RAI1: variants seen among roughly 807,000 people sequenced by gnomAD.
RAI1 encodes retinoic acid induced 1, also known as retinoic acid-induced protein 1.
RAI1 carries 9 observed loss-of-function variants against 123.8 expected under a neutral mutation model. That is an observed-to-expected ratio of 0.07 (90% CI 0.04 to 0.13). RAI1 has a LOEUF of 0.13. RAI1 is among the 10% of genes least tolerant of loss of function. The pLI is 1.00. For missense variants in RAI1, 2,256 were observed against 2,545.8 expected, an observed-to-expected ratio of 0.89 and a Z score of 2.45; for synonymous variants, 1,231 against 1,127.3, an observed-to-expected ratio of 1.09 and a Z score of -1.84.
intron 1 of RAI1, chr17:17,684,519 AC>A (rs1914553722): frequency 6.6e-6 from 1 of 151,860 alleles, no homozygotes; most frequent in Non-Finnish European, 1.5e-5. Flanking sequence ...ATGTTAAACT[AC>A]TCAAGTAACA....
intron 2 of RAI1, chr17:17,765,752 C>T (rs556768088): frequency 1.3e-5 from 2 of 152,370 alleles, no homozygotes; most frequent in South Asian, 4.1e-4. Flanking sequence ...GCCTCTGTTC[C>T]CCACTCTTGG....
chr17:17,724,406 CTT>C (rs771760855), intron 2 of RAI1, among the ~76,000 whole-genome samples: 11 of 103,748 alleles, frequency 1.1e-4, no homozygotes, highest in East Asian at 2.7e-4. Context: ...TCTTTCTTTC[CTT>C]TTTTTTTTTT....
chr17:17,682,900 T>C (rs528771581), intron 1 of RAI1, among the ~76,000 whole-genome samples: 1 of 151,124 alleles, frequency 6.6e-6, no homozygotes, highest in Non-Finnish European at 1.5e-5. Context: ...AGTGTAACAA[T>C]GCGCCGGTGG....
At chr17:17,735,056 C>CT (rs11285842) in intron 2 of RAI1, among the ~76,000 whole-genome samples, 33 of 148,162 alleles carry the variant, frequency 2.2e-4, no homozygotes, top group South Asian at 4.3e-4. Context: ...TAGAAACTTA[C>CT]TTTTTTTTTT....
chr17:17,790,496 C>T (rs2031973447), intron 2 of RAI1, among the ~76,000 whole-genome samples: 1 of 152,074 alleles, frequency 6.6e-6, no homozygotes, highest in Admixed American at 6.5e-5. Flanking sequence ...GCAGCTGGAC[C>T]AATTAAACAG....
chr17:17,733,358 T>C (rs1598042377), intron 2 of RAI1, among the ~76,000 whole-genome samples: 1 of 152,066 alleles, frequency 6.6e-6, no homozygotes, highest in African/African-American at 2.4e-5. Flanking sequence ...GATAAGGAGG[T>C]GTGAAAGGAT....
rs890495240 is a variant in RAI1 at position 17,800,502 on chromosome 17, C to T, written c.5565+1989C>T. ...GGGAGGAGGGGTCAGCCCCGAGCAC[C>T]GACCACCCCATCCTGTCCCTGGCCC... On this transcript the variant is annotated intron_variant, in intron 3 of 5. Coordinates refer to ENST00000353383, the MANE Select transcript of RAI1 (RefSeq NM_030665.4). The surrounding 1 kb of genome is among the most constrained non-coding windows in gnomAD (Gnocchi z 4.7). Among the ~76,000 whole-genome samples the T allele has an allele frequency of 2.6e-5, 4 of 152,326 alleles. No homozygotes were observed. The highest frequency in any genetic ancestry group is 3.4e-3 in the Middle Eastern group (1 of 294).
intron 1 of RAI1, among the ~76,000 whole-genome samples, chr17:17,706,327 G>C (rs1442257745): frequency 6.6e-6 from 1 of 152,220 alleles, no homozygotes; most frequent in Non-Finnish European, 1.5e-5. Context: ...TAGTGGCCAA[G>C]CTGGAGGGGG....
Position 17,798,099 on chromosome 17 carries a change from A to T in RAI1, c.5151A>T (p.Pro1717=). Residue 1717 remains proline, a synonymous_variant, in exon 3 of 6, where the codon CCA becomes CCT. Transcript: ENST00000353383. The part of the protein sequence containing the change: ...YPEHCLPKKK[P]KLKEKVRPEG... ...AACACTGCCTCCCCAAAAAGAAGCC[A>T]AAACTCAAGGAGAAGGTGCGGCCAG... The T allele has an allele frequency of 6.2e-7, 1 of 1,614,024 alleles. No homozygotes were observed. Among genetic ancestry groups the T allele is most frequent in the Non-Finnish European group, 8.5e-7 (1 of 1,180,026 alleles).
Position 17,796,349 on chromosome 17 carries a change from C to A in RAI1, c.3401C>A (p.Pro1134His). Reference protein sequence around the residue: ...MGSKTKETDSPSTPGKDQRSM... With the variant: ...MGSKTKETDSHSTPGKDQRSM... ...TCCAAGACCAAGGAGACAGACTCAC[C>A]CAGCACGCCTGGCAAGGACCAGCGC... The change falls in exon 3 of 6, where the codon CCC (proline) becomes CAC (histidine). Residue 1134 changes from proline to histidine, a missense_variant. By Grantham distance (77) the Pro-to-His change is moderately conservative (BLOSUM62 -2). Around this residue, in one of 7 missense-constraint regions of RAI1, gnomAD observed 322 missense variants for 358.0 expected, o/e 0.90. Coordinates refer to ENST00000353383, the MANE Select transcript of RAI1 (RefSeq NM_030665.4). The surrounding 1 kb of genome is among the most constrained non-coding windows in gnomAD (Gnocchi z 5.8). 1.2e-6 allele frequency: 2 copies of A among 1,613,542 alleles called. No homozygotes were observed. Among genetic ancestry groups the A allele is most frequent in the Non-Finnish European group, 1.7e-6 (2 of 1,180,010 alleles).
chr17:17,803,535 T>C (rs1318303591), intron 3 of RAI1, among the ~76,000 whole-genome samples: 2 of 152,010 alleles, frequency 1.3e-5, no homozygotes, highest in East Asian at 3.9e-4. Context: ...TAGCTGGGAC[T>C]ACAGGCACAC....
At chr17:17,711,174 A>G (rs556188770) in intron 1 of RAI1, among the ~76,000 whole-genome samples, 1 of 152,288 alleles carries the variant, frequency 6.6e-6, no homozygotes, top group South Asian at 2.1e-4. Context: ...GGAGCCCTGC[A>G]TGCAGGTGGG....
intron 1 of RAI1, among the ~76,000 whole-genome samples, chr17:17,719,299 C>G (rs1915804310): frequency 6.6e-6 from 1 of 152,174 alleles, no homozygotes; most frequent in East Asian, 1.9e-4. Flanking sequence ...GGTGTGGCCC[C>G]CCGTCCTCTC....
In RAI1 at chr17:17,800,490, A is replaced by G. The variant is rs1342381604; in HGVS notation, c.5565+1977A>G. Among the ~76,000 whole-genome samples the G allele has an allele frequency of 6.6e-6, 1 of 152,200 alleles. No individual in the cohort carries two copies. Reference sequence around the variant, plus strand: ...TGGCCGGCCGAAGGGAGGAGGGGTCAGCCCCGAGCACCGACCACCCCATCC... The same window carrying G: ...TGGCCGGCCGAAGGGAGGAGGGGTCGGCCCCGAGCACCGACCACCCCATCC... On this transcript the variant is annotated intron_variant, in intron 3 of 5. Transcript: ENST00000353383. The surrounding 1 kb of genome is among the most constrained non-coding windows in gnomAD (Gnocchi z 4.7).
chr17:17,775,315 C>T (rs575663313), intron 2 of RAI1, among the ~76,000 whole-genome samples: 16 of 151,878 alleles, frequency 1.1e-4, no homozygotes, highest in Admixed American at 3.3e-4. Flanking sequence ...GTGATCCTCC[C>T]AGCTCAGCCT....
chr17:17,700,814 C>T (rs1347102594), intron 1 of RAI1, among the ~76,000 whole-genome samples: 2 of 131,798 alleles, frequency 1.5e-5, no homozygotes, highest in Non-Finnish European at 3.1e-5. Flanking sequence ...CGGCTTCGTG[C>T]TCCCCCGCGC....
In RAI1 at chr17:17,800,004, G is replaced by A. The variant is rs1041518389; in HGVS notation, c.5565+1491G>A. 6.6e-6 allele frequency among the ~76,000 whole-genome samples: 1 copy of A among 151,978 alleles called. No homozygotes were observed. The highest frequency in any genetic ancestry group is 2.1e-4 in the South Asian group (1 of 4,810). On this transcript the variant is annotated intron_variant, in intron 3 of 5. Transcript: ENST00000353383. The surrounding 1 kb of genome is among the most constrained non-coding windows in gnomAD (Gnocchi z 4.7). Reference sequence around the variant, plus strand: ...CTGGAGACCTTCTCCACGCCCAGACGCCCTGCCCACCTCACTCCACCCTCC... The same window carrying A: ...CTGGAGACCTTCTCCACGCCCAGACACCCTGCCCACCTCACTCCACCCTCC...
chr17:17,730,323 A>T (rs1916227825), intron 2 of RAI1, among the ~76,000 whole-genome samples: 1 of 152,242 alleles, frequency 6.6e-6, no homozygotes, highest in Non-Finnish European at 1.5e-5. Context: ...GAGTGATCAG[A>T]AGATGAACTC....
chr17:17,771,648 C>A (rs1055922297), intron 2 of RAI1, among the ~76,000 whole-genome samples: 1 of 152,210 alleles, frequency 6.6e-6, no homozygotes, highest in Non-Finnish European at 1.5e-5. Flanking sequence ...CACCGCCTCC[C>A]GCCTTTGTTT....
Sources: allele counts gnomAD v4.1 joint callset (sites outside exome capture counted in the v4.1 genomes callset), GRCh38; gene constraint gnomAD v4.1.1; regional missense constraint gnomAD v4.1.1; non-coding constraint Gnocchi (gnomAD v3.1); transcripts MANE v1.5; gene names NCBI Gene and HGNC (gene_info 2026-07-23, HGNC 2026-07-21).